PTPRD: variants seen among roughly 807,000 people sequenced by gnomAD.
The protein encoded by PTPRD is receptor-type tyrosine-protein phosphatase delta.
A neutral mutation model predicts 214.5 loss-of-function variants in PTPRD; 34 were observed. The ratio of observed to expected loss-of-function variants is 0.16; its 90% CI spans 0.12 to 0.21. PTPRD has a LOEUF of 0.21. PTPRD is among the 10% of genes least tolerant of loss of function. PTPRD has a pLI of 1.00. For synonymous variants in PTPRD, 1,128 were observed against 845.7 expected, an observed-to-expected ratio of 1.33 and a Z score of -5.79; for missense variants, 2,545 against 2,398.7, an observed-to-expected ratio of 1.06 and a Z score of -1.27.
chr9:9,003,107 C>T (rs1460134357), intron 11 of PTPRD, among the ~76,000 whole-genome samples: 1 of 151,964 alleles, frequency 6.6e-6, no homozygotes, highest in Non-Finnish European at 1.5e-5. Flanking sequence ...TTAGGTAACT[C>T]TGTTTGGATC....
rs926870842 is a variant in PTPRD, at chr9:8,628,630, AAACAG to A, written c.352+4682_352+4686del. On this transcript the variant is annotated intron_variant, in intron 14 of 45. Coordinates refer to ENST00000381196, the MANE Select transcript of PTPRD (RefSeq NM_002839.4). ...ATATCAGGCCAAAAAAAAAAAAAAGAAACAGAACAGAACAGGGAAGTTAACGTATT... is the reference window on the plus strand; with the variant it reads ...ATATCAGGCCAAAAAAAAAAAAAAGAAACAGAACAGGGAAGTTAACGTATT... Among the ~76,000 whole-genome samples the A allele has an allele frequency of 3.3e-5, 5 of 151,132 alleles. No homozygotes were observed. In the East Asian group the frequency reaches 9.7e-4, roughly 29 times the overall value.
At chr9:8,756,121 G>A (rs1209212887) in intron 11 of PTPRD, among the ~76,000 whole-genome samples, 1 of 152,152 alleles carries the variant, frequency 6.6e-6, no homozygotes, top group Non-Finnish European at 1.5e-5. Context: ...GAGAATCAGT[G>A]TAGTGCAAAC....
intron 3 of PTPRD, among the ~76,000 whole-genome samples, chr9:10,298,285 A>G (rs1306457758): frequency 6.6e-6 from 1 of 152,130 alleles, no homozygotes; most frequent in African/African-American, 2.4e-5. Flanking sequence ...AGTTAAAATT[A>G]GGAATGCATT....
chr9:8,708,289 G>A (rs757207522), intron 12 of PTPRD, among the ~76,000 whole-genome samples: 5 of 152,052 alleles, frequency 3.3e-5, no homozygotes, highest in African/African-American at 1.2e-4. Flanking sequence ...GTGAGGATGT[G>A]GAGAAAAGGG....
intron 4 of PTPRD, among the ~76,000 whole-genome samples, chr9:9,998,129 A>ATATATATATATATATATATATATAT (rs1555449230): frequency 3.3e-5 from 3 of 91,456 alleles, no homozygotes; most frequent in African/African-American, 1.8e-4. Flanking sequence ...AAAAAAAAAA[A>ATATATATATATATATATATATATAT]ATATATATAT....
intron 6 of PTPRD, among the ~76,000 whole-genome samples, chr9:9,763,415 T>C (rs372985125): frequency 2.6e-5 from 4 of 151,906 alleles, no homozygotes; most frequent in South Asian, 4.1e-4. Flanking sequence ...ATTAAAGGGG[T>C]ATGGTATTAT....
chr9:8,676,471 C>T (rs758731922), intron 12 of PTPRD, among the ~76,000 whole-genome samples: 3 of 149,300 alleles, frequency 2.0e-5, no homozygotes, highest in Non-Finnish European at 3.0e-5. Context: ...CAACCTCCGC[C>T]GCCCAGGTTC....
intron 5 of PTPRD, among the ~76,000 whole-genome samples, chr9:9,923,507 G>A (rs910071153): frequency 2.0e-5 from 3 of 151,546 alleles, no homozygotes; most frequent in African/African-American, 7.3e-5. Flanking sequence ...ATCTCCAAAC[G>A]AAATCAGTTC....
chr9:10,052,985 ACTAT>A (rs998065660), intron 3 of PTPRD, among the ~76,000 whole-genome samples: 16 of 152,296 alleles, frequency 1.1e-4, no homozygotes, highest in African/African-American at 3.1e-4. Flanking sequence ...CTTGTAAATA[ACTAT>A]CTAAGTGGCA....
chr9:9,517,759 T>A (rs2096872264), intron 8 of PTPRD, among the ~76,000 whole-genome samples: 1 of 152,056 alleles, frequency 6.6e-6, no homozygotes, highest in South Asian at 2.1e-4. Context: ...ATGGTGCATA[T>A]TAATTGGTAA....
At chr9:9,841,932 A>T (rs889189873) in intron 5 of PTPRD, among the ~76,000 whole-genome samples, 1 of 152,092 alleles carries the variant, frequency 6.6e-6, no homozygotes, top group African/African-American at 2.4e-5. Context: ...GAAAGTACAC[A>T]TAAGTACTCA....
intron 33 of PTPRD, among the ~76,000 whole-genome samples, chr9:8,458,098 A>T (rs181343634): frequency 5.9e-5 from 9 of 152,288 alleles, no homozygotes. Flanking sequence ...TATACTTAGC[A>T]TTCGAGGATG....
chr9:9,291,737 A>G (rs1212340941), intron 9 of PTPRD, among the ~76,000 whole-genome samples: 1 of 150,938 alleles, frequency 6.6e-6, no homozygotes, highest in Non-Finnish European at 1.5e-5. Flanking sequence ...AAAATGTCAA[A>G]ACATGTTTCT....
intron 5 of PTPRD, among the ~76,000 whole-genome samples, chr9:9,840,617 G>C (rs1016656876): frequency 1.3e-5 from 2 of 151,828 alleles, no homozygotes; most frequent in South Asian, 2.1e-4. Context: ...AAGGGAATTA[G>C]CTGGGCGTGG....
At chr9:9,866,615 T>C (rs1199588733) in intron 5 of PTPRD, among the ~76,000 whole-genome samples, 2 of 152,134 alleles carry the variant, frequency 1.3e-5, no homozygotes, top group East Asian at 1.9e-4. Flanking sequence ...AAGTGAAAAG[T>C]AGAAGGAGAA....
In PTPRD at chr9:9,024,659, T is replaced by C. The variant is rs577869654; in HGVS notation, c.-142-5924A>G. 3.0e-4 allele frequency among the ~76,000 whole-genome samples: 46 copies of C among 151,996 alleles called. 1 individual carries two copies. In the South Asian group the frequency reaches 9.3e-3, roughly 31 times the overall value. On this transcript the variant is annotated intron_variant, in intron 10 of 45. Coordinates refer to ENST00000381196, the MANE Select transcript of PTPRD (RefSeq NM_002839.4). ...ATCTTTTATTATTTTAATATGTGTT[T>C]CTTTGGTTACCAGTTCTGTTGAAAA...
intron 11 of PTPRD, among the ~76,000 whole-genome samples, chr9:8,787,174 C>T (rs1189932732): frequency 2.6e-5 from 4 of 152,146 alleles, no homozygotes; most frequent in East Asian, 3.9e-4. Flanking sequence ...CTTACACATT[C>T]CTATTGCTAT....
chr9:9,718,635 A>C (rs2097877399), intron 7 of PTPRD, among the ~76,000 whole-genome samples: 1 of 152,152 alleles, frequency 6.6e-6, no homozygotes, highest in Non-Finnish European at 1.5e-5. Flanking sequence ...TCCCTGCTCC[A>C]AGCACCTGCT....
rs566172613 is a variant in PTPRD at position 8,631,166 on chromosome 9, C to T, written c.352+2151G>A. On this transcript the variant is annotated intron_variant, in intron 14 of 45. Transcript: ENST00000381196. ...GTATATTCAGAAATATGTATACTTT[C>T]CATAGTGCATATTACAGCACATATA... is the stretch of plus-strand genomic sequence containing the variant. 2.6e-5 allele frequency among the ~76,000 whole-genome samples: 4 copies of T among 151,908 alleles called. No individual in the cohort carries two copies. In the East Asian group the frequency reaches 7.8e-4, roughly 30 times the overall value.
Sources: allele counts gnomAD v4.1 joint callset (sites outside exome capture counted in the v4.1 genomes callset), GRCh38; gene constraint gnomAD v4.1.1; transcripts MANE v1.5; gene names NCBI Gene and HGNC (gene_info 2026-07-23, HGNC 2026-07-21).